The following S100PBP variants were observed in gnomAD, a reference collection of about 807,000 sequenced individuals.
The protein encoded by S100PBP is S100P-binding protein.
In S100PBP, 15 loss-of-function variants were observed where a neutral mutation model predicts 39.9. The observed-to-expected ratio is 0.38, with a 90% CI of 0.25 to 0.58. The LOEUF (loss-of-function observed/expected upper bound fraction) is 0.58, where lower values mean the gene tolerates loss of function less well. Ranked by LOEUF, S100PBP falls within the 20% of genes least tolerant of loss-of-function variation. The pLI, the probability that S100PBP is intolerant of heterozygous loss-of-function variation, is 0.70. For synonymous variants in S100PBP, 178 were observed against 180.3 expected (o/e 0.99, Z 0.10); for missense variants, 504 against 487.3 (o/e 1.03, Z -0.32).
intron 5 of S100PBP, chr1:32,834,771 C>G (rs1297718131): frequency 1.3e-5 from 2 of 152,192 alleles, no homozygotes; most frequent in Non-Finnish European, 2.9e-5. Context: ...CAACAACTAA[C>G]TGTTCACCTA....
At chr1:32,820,837 T>C (rs868232300) in intron 1 of S100PBP, among the ~76,000 whole-genome samples, 10 of 152,058 alleles carry the variant, frequency 6.6e-5, no homozygotes, top group Admixed American at 2.6e-4. Flanking sequence ...ACTATGTCTC[T>C]ACAAAAAATA....
intron 5 of S100PBP, among the ~76,000 whole-genome samples, chr1:32,846,461 C>G (rs902084282): frequency 6.6e-6 from 1 of 151,328 alleles, no homozygotes; most frequent in Admixed American, 6.6e-5. Flanking sequence ...AATCTGCCAT[C>G]GTGTTACTTG....
intron 3 of S100PBP, among the ~76,000 whole-genome samples, chr1:32,827,447 A>G (rs1198389880): frequency 1.3e-5 from 2 of 152,074 alleles, no homozygotes; most frequent in Non-Finnish European, 2.9e-5. Flanking sequence ...CCGATTCCCT[A>G]TCTGCCAAAT....
chr1:32,820,643 A>G (rs1288868063), intron 1 of S100PBP: 1 of 152,200 alleles, frequency 6.6e-6, no homozygotes, highest in Non-Finnish European at 1.5e-5. Context: ...TTCACAGAGT[A>G]TAATCATTGT....
intron 1 of S100PBP, among the ~76,000 whole-genome samples, chr1:32,820,843 AAAT>A (rs1445729855): frequency 6.6e-6 from 1 of 152,108 alleles, no homozygotes; most frequent in Non-Finnish European, 1.5e-5. Context: ...TCTCTACAAA[AAAT>A]AAAAATAAAA....
chr1:32,834,240 T>A (rs187742059), intron 5 of S100PBP, among the ~76,000 whole-genome samples: 1 of 152,336 alleles, frequency 6.6e-6, no homozygotes, highest in African/African-American at 2.4e-5. Context: ...TCATAATTTT[T>A]AAAAAATCAT....
intron 5 of S100PBP, among the ~76,000 whole-genome samples, chr1:32,845,227 C>T (rs184211450): frequency 1.4e-4 from 21 of 151,916 alleles, no homozygotes; most frequent in Admixed American, 9.8e-4. Flanking sequence ...GGTTTCACCA[C>T]GTTAGCTGTG....
chr1:32,825,461 T>C (rs1043281251), intron 2 of S100PBP, 32 bp downstream of exon 2: 1 of 152,300 alleles, frequency 6.6e-6, no homozygotes, highest in Non-Finnish European at 1.5e-5. Flanking sequence ...CTTCTTGTGT[T>C]CTCGAATTTT....
chr1:32,848,319 A>G (rs1640469277), intron 5 of S100PBP, among the ~76,000 whole-genome samples: 1 of 152,112 alleles, frequency 6.6e-6, no homozygotes, highest in African/African-American at 2.4e-5. Context: ...AAAAAAATAA[A>G]GAAAAAAGAA....
At chr1:32,855,002 GA>G (rs1640767415) in intron 6 of S100PBP, among the ~76,000 whole-genome samples, 1 of 152,186 alleles carries the variant, frequency 6.6e-6, no homozygotes, top group Non-Finnish European at 1.5e-5. Flanking sequence ...AGGACTTAAT[GA>G]AAATACTAGT....
At chr1:32,841,048 C>A (rs985576034) in intron 5 of S100PBP, among the ~76,000 whole-genome samples, 1 of 151,648 alleles carries the variant, frequency 6.6e-6, no homozygotes, top group African/African-American at 2.4e-5. Context: ...GTAGTCCCAG[C>A]TACTCAGGAG....
intron 5 of S100PBP, among the ~76,000 whole-genome samples, chr1:32,842,236 T>TATACACACAC (rs372174677): frequency 5.4e-4 from 44 of 80,876 alleles, no homozygotes; most frequent in Admixed American, 1.8e-3. Flanking sequence ...TATATATATA[T>TATACACACAC]ACACACACAC....
chr1:32,822,140 G>A (rs957104464), intron 1 of S100PBP, among the ~76,000 whole-genome samples: 12 of 152,106 alleles, frequency 7.9e-5, no homozygotes, highest in Non-Finnish European at 1.5e-5. Context: ...ATTTACAGAT[G>A]AAATGATACA....
intron 1 of S100PBP, among the ~76,000 whole-genome samples, chr1:32,822,587 C>CTCCAG (rs1639126435): frequency 6.8e-6 from 1 of 145,990 alleles, no homozygotes; most frequent in African/African-American, 2.6e-5. Context: ...CGCCACTGCA[C>CTCCAG]TCCAGTCTGG....
At chr1:32,818,541 C>T (rs1638874210) in intron 1 of S100PBP, 1 of 152,342 alleles carries the variant, frequency 6.6e-6, no homozygotes, top group Non-Finnish European at 1.5e-5. Flanking sequence ...CAAGCTCTAC[C>T]AGACCTGCCT....
In S100PBP at chr1:32,824,555, G is replaced by A. The variant is rs191652423; in HGVS notation, c.-119-758G>A. On this transcript the variant is annotated intron_variant, in intron 1 of 6. Coordinates refer to ENST00000373475, the MANE Select transcript of S100PBP (RefSeq NM_022753.4). The stretch of plus-strand genomic sequence containing the variant: ...CGAGTTATAATAGTCATCAATTTTT[G>A]TTTGTATCTTTTTTTTTTTTCTTTT... Among the ~76,000 whole-genome samples the A allele has an allele frequency of 2.0e-5, 3 of 150,838 alleles. 1 individual carries two copies. The highest frequency in any genetic ancestry group is 2.0e-4 in the Admixed American group (3 of 15,142).
intron 5 of S100PBP, among the ~76,000 whole-genome samples, chr1:32,850,204 A>G (rs1202926751): frequency 3.9e-5 from 6 of 152,222 alleles, no homozygotes; most frequent in African/African-American, 1.4e-4. Flanking sequence ...GAGCTGAAGG[A>G]CATGTTCTAT....
chr1:32,850,737 A>C (rs958100823), intron 5 of S100PBP, among the ~76,000 whole-genome samples: 1 of 152,192 alleles, frequency 6.6e-6, no homozygotes, highest in African/African-American at 2.4e-5. Flanking sequence ...ATTATGTTTC[A>C]TTTGGTCGTG....
In S100PBP at chr1:32,826,165, C is replaced by G. The variant is rs753564913; in HGVS notation, c.66C>G (p.Ala22=). 4 of 1,613,896 alleles carry G rather than the reference C, an allele frequency of 2.5e-6. No individual in the cohort carries two copies. The East Asian group carries it at 8.9e-5, about 36-fold the overall frequency. ...SGTSLLPKDG[A]PFSWDSLDED... The stretch of plus-strand genomic sequence containing the variant: ...CCTCTCTCTTGCCTAAAGACGGTGC[C>G]CCATTTTCTTGGGATTCCTTGGATG... The change falls in exon 3 of 7, where the codon GCC becomes GCG. Residue 22 remains alanine (A), a synonymous_variant. Transcript: ENST00000373475.
Sources: allele counts gnomAD v4.1 joint callset (sites outside exome capture counted in the v4.1 genomes callset), GRCh38; gene constraint gnomAD v4.1.1; transcripts MANE v1.5; gene names NCBI Gene and HGNC (gene_info 2026-07-23, HGNC 2026-07-21).